Variants in USP24 observed in about 807,000 individuals in gnomAD.
USP24 encodes ubiquitin carboxyl-terminal hydrolase 24.
In USP24, 97 loss-of-function variants were observed where a neutral mutation model predicts 361.6. The ratio of observed to expected loss-of-function variants is 0.27; its 90% CI spans 0.23 to 0.32. USP24 has a LOEUF of 0.32. USP24 is among the 10% of genes least tolerant of loss of function. USP24 has a pLI of 1.00. For synonymous variants in USP24, 1,098 were observed against 1,124.6 expected (o/e 0.98, Z 0.47); for missense variants, 2,353 against 3,165.6 (o/e 0.74, Z 6.16).
chr1:55,148,686 C>G, intron 16 of USP24, 116 bp from the exon 17 acceptor site: 1 of 714,870 alleles, frequency 1.4e-6, no homozygotes. Context: ...TATTATTTTA[C>G]TCTTTATATT....
At chr1:55,122,816 G>C (rs78042683) in intron 36 of USP24, among the ~76,000 whole-genome samples, 3,879 of 152,274 alleles carry the variant, frequency 0.025, 60 homozygotes, top group Non-Finnish European at 0.037. Flanking sequence ...GATTAGAGGA[G>C]CTCAGTTCTG....
At chr1:55,119,818 A>T (rs1179609392) in intron 38 of USP24, among the ~76,000 whole-genome samples, 1 of 152,064 alleles carries the variant, frequency 6.6e-6, no homozygotes, top group Admixed American at 6.5e-5. Context: ...AGAAAATTTT[A>T]ATTTTTATGG....
In USP24 at chr1:55,156,987, T is replaced by C. The variant is rs778118478; in HGVS notation, c.1407A>G (p.Lys469=). The change falls in exon 12 of 68, where the codon AAA becomes AAG. Residue 469 remains lysine (K), a synonymous_variant. Transcript: ENST00000294383. ...IKGIIELLGS[K]LSLDELTKIW... is the part of the protein sequence containing the mutation. Reference sequence around the variant, plus strand: ...TTTTAGTGAGTTCATCTAACGACAATTTACTACCCAAGAGTTCAATAATTC... The same window carrying C: ...TTTTAGTGAGTTCATCTAACGACAACTTACTACCCAAGAGTTCAATAATTC... 1 of 1,613,118 alleles carries C rather than the reference T, an allele frequency of 6.2e-7. No individual in the cohort carries two copies. Among genetic ancestry groups the C allele is most frequent in the South Asian group, 1.1e-5 (1 of 91,034 alleles).
At chr1:55,122,453 G>A (rs1557594056) in intron 36 of USP24, among the ~76,000 whole-genome samples, 2 of 152,172 alleles carry the variant, frequency 1.3e-5, no homozygotes, top group Non-Finnish European at 2.9e-5. Flanking sequence ...TTTGCTTGGT[G>A]AACTGAGAAG....
chr1:55,102,281 A>G (rs1378358210), intron 42 of USP24, among the ~76,000 whole-genome samples: 1 of 152,190 alleles, frequency 6.6e-6, no homozygotes, highest in Non-Finnish European at 1.5e-5. Flanking sequence ...TCCAGTAAAC[A>G]TATAATTAAA....
chr1:55,214,915 C>A lies in USP24; in HGVS notation c.199G>T (p.Gly67Cys). Residue 67 changes from glycine to cysteine, a missense_variant, in exon 1 of 68, where the codon GGC (glycine) becomes TGC (cysteine). Gly to Cys is a radical substitution (Grantham distance 159). Around this residue, in one of 8 missense-constraint regions of USP24, gnomAD observed 253 missense variants for 255.3 expected, o/e 0.99. Transcript: ENST00000294383. ...DSGGGPSPGPGGGPRGDGGGD... is the reference protein window; with the variant it reads ...DSGGGPSPGPCGGPRGDGGGD... ...CCGCCGTCGCCCCGCGGGCCCCCGCCGGGCCCGGGGCTGGGGCCACCGCCG... is the reference window on the plus strand; with the variant it reads ...CCGCCGTCGCCCCGCGGGCCCCCGCAGGGCCCGGGGCTGGGGCCACCGCCG... The A allele has an allele frequency of 7.7e-7, 1 of 1,295,902 alleles. No individual in the cohort carries two copies. Among genetic ancestry groups the A allele is most frequent in the Non-Finnish European group, 9.9e-7 (1 of 1,013,798 alleles). The allele number at this position is 1,295,902 out of a possible 1,614,324, so 80.3% of individuals were successfully genotyped here. A position where few individuals can be genotyped will look rare whatever the true frequency, so the allele number is the denominator to read the frequency against.
Position 55,154,689 on chromosome 1 carries a change from C to T in USP24, c.1536G>A (p.Leu512=), listed in dbSNP as rs749926248. The part of the protein sequence containing the change: ...VKFNSDQLNH[L]FVLIQKSWET... ...CACGTACCTTCTGAATGAGAACAAACAAATGATTAAGCTGATCTGAATTAA... is the reference window on the plus strand; with the variant it reads ...CACGTACCTTCTGAATGAGAACAAATAAATGATTAAGCTGATCTGAATTAA... The change falls in exon 13 of 68, where the codon TTG becomes TTA. Residue 512 remains leucine (L), a synonymous_variant. Coordinates refer to ENST00000294383, the MANE Select transcript of USP24 (RefSeq NM_015306.3). The T allele has an allele frequency of 2.5e-6, 4 of 1,612,956 alleles. No homozygotes were observed. In the South Asian group the frequency reaches 4.4e-5, roughly 18 times the overall value.
chr1:55,117,838 T>C (rs1247156025), intron 38 of USP24, among the ~76,000 whole-genome samples: 1 of 151,882 alleles, frequency 6.6e-6, no homozygotes, highest in Non-Finnish European at 1.5e-5. Flanking sequence ...ATCAGTTGTG[T>C]TTCTTACACT....
In USP24 at chr1:55,099,450, C is replaced by T. The variant is rs543959968; in HGVS notation, c.5370+321G>A. The stretch of plus-strand genomic sequence containing the variant: ...GTGCACACCTGTGATCCCAGCTACT[C>T]GGGAGGCTGAGGTGCAAGAATCTCT... On this transcript the variant is annotated intron_variant, in intron 45 of 67. Transcript: ENST00000294383. Among the ~76,000 whole-genome samples the T allele has an allele frequency of 5.9e-5, 9 of 151,688 alleles. No homozygotes were observed. The South Asian group carries it at 1.5e-3, about 25-fold the overall frequency.
chr1:55,093,896 AC>A, intron 52 of USP24, 40 bp downstream of exon 52: 1 of 1,611,102 alleles, frequency 6.2e-7, no homozygotes, highest in South Asian at 1.1e-5. Context: ...TTTGATGTCC[AC>A]GTGGATATTC....
chr1:55,071,802 T>C lies in USP24; in HGVS notation c.7800+12A>G. On this transcript the variant is annotated intron_variant, in intron 67 of 67. Transcript: ENST00000294383. ...CTGCCCTTTGCACACAAGGACATGC[T>C]GACCGTTATACCTGCTGTAGATGCC... 1 of 1,607,604 alleles carries C rather than the reference T, an allele frequency of 6.2e-7. No homozygotes were observed. Among genetic ancestry groups the C allele is most frequent in the African/African-American group, 1.3e-5 (1 of 75,030 alleles).
In USP24 at chr1:55,103,866, GA is replaced by G. The variant is rs774690524; in HGVS notation, c.5025+9del. On this transcript the variant is annotated intron_variant, in intron 42 of 67. Coordinates refer to ENST00000294383, the MANE Select transcript of USP24 (RefSeq NM_015306.3). ...AAAAAATTAAGTTCATCAACGTCTA[GA>G]AAACCTACATCAAACTCCTTGGTAA... is the stretch of plus-strand genomic sequence containing the variant. 1.9e-6 allele frequency: 3 copies of G among 1,605,358 alleles called. No homozygotes were observed. Among genetic ancestry groups the G allele is most frequent in the Non-Finnish European group, 2.5e-6 (3 of 1,176,546 alleles).
chr1:55,107,641 A>G (rs1369301193), intron 39 of USP24, among the ~76,000 whole-genome samples: 1 of 152,012 alleles, frequency 6.6e-6, no homozygotes, highest in Non-Finnish European at 1.5e-5. Flanking sequence ...CAGGAGTTCG[A>G]GACCAGCCTG....
intron 63 of USP24, among the ~76,000 whole-genome samples, chr1:55,075,092 T>G (rs1644998076): frequency 6.6e-6 from 1 of 152,118 alleles, no homozygotes; most frequent in Non-Finnish European, 1.5e-5. Context: ...GACAACATCC[T>G]GCGTCTCAGG....
intron 16 of USP24, among the ~76,000 whole-genome samples, chr1:55,152,724 C>T (rs1647250489): frequency 1.3e-5 from 2 of 152,140 alleles, no homozygotes; most frequent in African/African-American, 2.4e-5. Context: ...CTGAGAATTA[C>T]CAGCTCCAGT....
intron 8 of USP24, among the ~76,000 whole-genome samples, 200 bp from the exon 9 acceptor site, chr1:55,159,885 T>C (rs963322541): frequency 1.3e-5 from 2 of 152,226 alleles, no homozygotes; most frequent in Admixed American, 1.3e-4. Flanking sequence ...CCTCAGCTTC[T>C]TTACTATAAT....
At chr1:55,111,394 T>TA (rs1447341176) in intron 38 of USP24, among the ~76,000 whole-genome samples, 2 of 152,026 alleles carry the variant, frequency 1.3e-5, no homozygotes, top group Non-Finnish European at 2.9e-5. Context: ...TAATATTAAA[T>TA]AAAAAACATG....
At chr1:55,212,478 TTAAA>T (rs930205846) in intron 1 of USP24, among the ~76,000 whole-genome samples, 1 of 152,136 alleles carries the variant, frequency 6.6e-6, no homozygotes, top group Non-Finnish European at 1.5e-5. Flanking sequence ...TCACCAAGGG[TTAAA>T]TAAACTGTAT....
intron 19 of USP24, 81 bp downstream of exon 19, chr1:55,146,847 GT>G: frequency 6.5e-7 from 1 of 1,545,088 alleles, no homozygotes; most frequent in East Asian, 2.4e-5. Context: ...ACTGAAAAGT[GT>G]TTAGAAGATG....
Sources: allele counts gnomAD v4.1 joint callset (sites outside exome capture counted in the v4.1 genomes callset), GRCh38; gene constraint gnomAD v4.1.1; regional missense constraint gnomAD v4.1.1; transcripts MANE v1.5; gene names NCBI Gene and HGNC (gene_info 2026-07-23, HGNC 2026-07-21).